Variants in PUF60 observed in about 807,000 individuals in gnomAD.
PUF60 encodes poly(U)-binding-splicing factor PUF60.
Under a neutral mutation model 61.8 loss-of-function variants are expected in PUF60, and 10 were observed. That is an observed-to-expected ratio of 0.16 (90% CI 0.10 to 0.27). The LOEUF (loss-of-function observed/expected upper bound fraction) is 0.27. PUF60 is among the 10% of genes least tolerant of loss of function. The probability of loss-of-function intolerance (pLI) is 1.00; values close to 1 mark genes in which losing one functional copy is unlikely to be tolerated. For missense variants in PUF60, 371 were observed against 754.0 expected (o/e 0.49, Z 5.95); for synonymous variants, 353 against 300.9 (o/e 1.17, Z -1.79).
chr8:143,818,561 C>T lies in PUF60; in HGVS notation c.349-27G>A, dbSNP rs573398282. ...TGCAGCAGGACAGAGGGGAGAGAACCGCTGGCTCGTCAGGGGCGGCAGGAA... is the reference window on the plus strand; with the variant it reads ...TGCAGCAGGACAGAGGGGAGAGAACTGCTGGCTCGTCAGGGGCGGCAGGAA... On this transcript the variant is annotated intron_variant, in intron 5 of 11. Transcript: ENST00000526683. This position sits in a 1 kb window ranked among gnomAD's most constrained non-coding sequence, Gnocchi z 7.9. The T allele has an allele frequency of 2.6e-6, 4 of 1,549,498 alleles. No homozygotes were observed. Among genetic ancestry groups the T allele is most frequent in the African/African-American group, 2.7e-5 (2 of 73,530 alleles).
intron 1 of PUF60, chr8:143,827,630 A>G (rs529775352): frequency 7.4e-5 from 26 of 353,494 alleles, no homozygotes; most frequent in South Asian, 5.0e-4. Context: ...TTCCATCCCA[A>G]TGATTAAAAG....
chr8:143,824,369 C>T lies in PUF60; in HGVS notation c.55G>A (p.Glu19Lys), dbSNP rs1817402069. 4.3e-6 allele frequency: 7 copies of T among 1,612,394 alleles called. No individual in the cohort carries two copies. The highest frequency in any genetic ancestry group is 3.3e-5 in the South Asian group (3 of 91,082). The change falls in exon 2 of 12, where the codon GAG becomes AAG. Residue 19 changes from glutamate (E) to lysine (K), a missense_variant. This residue lies in a region of PUF60 where 69 missense variants were observed against 64.7 expected (regional missense o/e 1.07). Coordinates refer to ENST00000526683, the MANE Select transcript of PUF60 (RefSeq NM_078480.3). ...QVNGQQGGGS[E>K]PAAAAAVVAA... is the part of the protein sequence containing the mutation. ...ACCACTGCCGCCGCCGCCGCCGGCT[C>T]GGACCCCCCTCCTTGCTGGCCATTG...
intron 1 of PUF60, chr8:143,827,558 G>A (rs1817772966): frequency 7.1e-6 from 3 of 423,526 alleles, no homozygotes; most frequent in Non-Finnish European, 1.4e-5. Context: ...TGAGACAGGG[G>A]ACAGGCTCTC....
Position 143,818,611 on chromosome 8 carries a change from GC to G in PUF60, c.349-78del. The G allele has an allele frequency of 6.9e-7, 1 of 1,441,776 alleles. No individual in the cohort carries two copies. Among genetic ancestry groups the G allele is most frequent in the Non-Finnish European group, 9.3e-7 (1 of 1,079,872 alleles). The allele number at this position is 1,441,776 out of a possible 1,614,324, so 89.3% of individuals were successfully genotyped here. ...AGCTGGGCAGCCCACTCCCCTCCTG[GC>G]CCACCCACCCAGCCCTGCTGTGGGG... On this transcript the variant is annotated intron_variant, in intron 5 of 11. Coordinates refer to ENST00000526683, the MANE Select transcript of PUF60 (RefSeq NM_078480.3). The surrounding 1 kb of genome is among the most constrained non-coding windows in gnomAD (Gnocchi z 7.9).
chr8:143,827,336 G>A, intron 1 of PUF60: 1 of 455,950 alleles, frequency 2.2e-6, no homozygotes, highest in Non-Finnish European at 4.4e-6. Context: ...TGTCAGTGAA[G>A]AGAACGGAGC....
Position 143,825,890 on chromosome 8 carries a change from A to C in PUF60, c.25-1491T>G, listed in dbSNP as rs149049619. 9.8e-5 allele frequency among the ~76,000 whole-genome samples: 15 copies of C among 152,308 alleles called. No individual in the cohort carries two copies. The East Asian group carries it at 2.9e-3, about 29-fold the overall frequency. The stretch of plus-strand genomic sequence containing the variant: ...GCTCCCCCAAATCACTGCACTAACC[A>C]ACAAGTAAGCCACAACAGTGTTGAC... On this transcript the variant is annotated intron_variant, in intron 1 of 11. Coordinates refer to ENST00000526683, the MANE Select transcript of PUF60 (RefSeq NM_078480.3).
At chr8:143,821,454 G>C in intron 4 of PUF60, 143 bp downstream of exon 4, 1 of 783,136 alleles carries the variant, frequency 1.3e-6, no homozygotes, top group South Asian at 1.7e-5. Flanking sequence ...AGGACCCCGG[G>C]GGTCCCGAGC....
chr8:143,817,903 C>T lies in PUF60; in HGVS notation c.776G>A (p.Arg259Gln). 2 of 1,612,754 alleles carry T rather than the reference C, an allele frequency of 1.2e-6. No individual in the cohort carries two copies. Among genetic ancestry groups the T allele is most frequent in the Admixed American group, 1.7e-5 (1 of 59,988 alleles). ...CTTGTGCTTGCCAGTTGTGGGGTCC[C>T]GGGCCAGTGTGCAGGACTTGATCTT... Reference protein sequence around the residue: ...FGKIKSCTLARDPTTGKHKGY... With the variant: ...FGKIKSCTLAQDPTTGKHKGY... The change falls in exon 8 of 12, where the codon CGG (arginine) becomes CAG (glutamine). Residue 259 changes from arginine to glutamine, a missense_variant. Physicochemically the swap from Arg to Gln is conservative, Grantham distance 43. This residue lies in a region of PUF60 where 24 missense variants were observed against 35.0 expected (regional missense o/e 0.68). Transcript: ENST00000526683. The surrounding 1 kb of genome is among the most constrained non-coding windows in gnomAD (Gnocchi z 7.4).
At chr8:143,828,494 G>T (rs1817900836) in intron 1 of PUF60, among the ~76,000 whole-genome samples, 1 of 152,194 alleles carries the variant, frequency 6.6e-6, no homozygotes, top group South Asian at 2.1e-4. Flanking sequence ...CGTTAATAAC[G>T]CCTGCCCTGC....
intron 2 of PUF60, chr8:143,822,743 G>A (rs1404705915): frequency 1.7e-5 from 6 of 360,860 alleles, no homozygotes; most frequent in Non-Finnish European, 3.3e-5. Flanking sequence ...TTTTGCAGAG[G>A]GAAGAACGCA....
chr8:143,817,578 G>T lies in PUF60; in HGVS notation c.1008+14C>A. On this transcript the variant is annotated intron_variant, in intron 9 of 11. Transcript: ENST00000526683. The surrounding 1 kb of genome is among the most constrained non-coding windows in gnomAD (Gnocchi z 7.4). ...CCCGCCCACCCTCAAGCCGACAGCT[G>T]TGTGGGCCCTCACCTGAGCTGTGAT... is the stretch of plus-strand genomic sequence containing the variant. 6.2e-7 allele frequency: 1 copy of T among 1,610,912 alleles called. No individual in the cohort carries two copies. Among genetic ancestry groups the T allele is most frequent in the African/African-American group, 1.3e-5 (1 of 75,006 alleles).
chr8:143,821,214 A>G (rs1586587379), intron 4 of PUF60: 1 of 427,464 alleles, frequency 2.3e-6, no homozygotes, highest in East Asian at 4.7e-5. Context: ...TGAGGGCCTG[A>G]GCAGTCTTAT....
intron 5 of PUF60, chr8:143,820,454 G>C (rs778620537): frequency 3.3e-6 from 2 of 612,214 alleles, no homozygotes; most frequent in Non-Finnish European, 5.8e-6. Context: ...TTTAAGGTGG[G>C]CCCTCAGAGC....
At position 143,818,614 on chromosome 8, in the gene PUF60, C is replaced by T; in HGVS notation, c.349-80G>A. On this transcript the variant is annotated intron_variant, in intron 5 of 11. Coordinates refer to ENST00000526683, the MANE Select transcript of PUF60 (RefSeq NM_078480.3). The surrounding 1 kb of genome is among the most constrained non-coding windows in gnomAD (Gnocchi z 7.9). ...TGGGCAGCCCACTCCCCTCCTGGCC[C>T]ACCCACCCAGCCCTGCTGTGGGGAG... The T allele has an allele frequency of 7.0e-7, 1 of 1,434,764 alleles. No individual in the cohort carries two copies. Among genetic ancestry groups the T allele is most frequent in the East Asian group, 2.5e-5 (1 of 40,064 alleles). The allele number at this position is 1,434,764 out of a possible 1,614,324, so 88.9% of individuals were successfully genotyped here.
At chr8:143,826,805 G>C (rs1279184874) in intron 1 of PUF60, among the ~76,000 whole-genome samples, 1 of 152,240 alleles carries the variant, frequency 6.6e-6, no homozygotes, top group Non-Finnish European at 1.5e-5. Flanking sequence ...GCTGGGAATG[G>C]GGACGGCCTG....
intron 2 of PUF60, 39 bp downstream of exon 2, chr8:143,824,274 G>A: frequency 6.5e-7 from 1 of 1,537,948 alleles, no homozygotes; most frequent in Non-Finnish European, 8.8e-7. Flanking sequence ...GGGCGGGCAG[G>A]CGGGCGGGCC....
In PUF60 at chr8:143,817,353, G is replaced by C; in HGVS notation, c.1122C>G (p.Ala374=). The change falls in exon 10 of 12, where the codon GCC becomes GCG. Residue 374 remains alanine (A), a synonymous_variant. Transcript: ENST00000526683. This position sits in a 1 kb window ranked among gnomAD's most constrained non-coding sequence, Gnocchi z 7.4. ...CACCTGTGATGACTCCAGGTGCCTG[G>C]GCAGCCATGACAGCCTGGGGCAAAG... ...LGTLPQAVMA[A]QAPGVITGVT... 6.3e-7 allele frequency: 1 copy of C among 1,594,534 alleles called. No individual in the cohort carries two copies. Among genetic ancestry groups the C allele is most frequent in the Non-Finnish European group, 8.5e-7 (1 of 1,174,438 alleles).
rs781713017 is a variant in PUF60 at position 143,816,564 on chromosome 8, C to T, written c.1636G>A (p.Val546Met). Residue 546 changes from valine (V) to methionine (M), a missense_variant, in exon 12 of 12, where the codon GTG becomes ATG. This residue lies in a region of PUF60 where 17 missense variants were observed against 37.3 expected (regional missense o/e 0.46). Transcript: ENST00000526683. ...WFAGRKVVAEVYDQERFDNSD... is the reference protein window; with the variant it reads ...WFAGRKVVAEMYDQERFDNSD... ...TTATCAAAACGCTCCTGGTCGTACA[C>T]TTCAGCCACCACCTTGCGGCCAGCA... 1.5e-5 allele frequency: 24 copies of T among 1,613,490 alleles called. No homozygotes were observed. In the South Asian group the frequency reaches 2.5e-4, roughly 17 times the overall value.
rs1816603238 is a variant in PUF60 at position 143,818,297 on chromosome 8, GAC to G, written c.511-14_511-13del. On this transcript the variant is annotated splice_polypyrimidine_tract_variant and intron_variant, in intron 6 of 11. Coordinates refer to ENST00000526683, the MANE Select transcript of PUF60 (RefSeq NM_078480.3). The surrounding 1 kb of genome is among the most constrained non-coding windows in gnomAD (Gnocchi z 7.9). ...ACGAAGGCAAAGCCCTAGACACAGGGACACACCTGTCAGGCTGCGCGAGCCCA... is the reference window on the plus strand; with the variant it reads ...ACGAAGGCAAAGCCCTAGACACAGGGACACCTGTCAGGCTGCGCGAGCCCA... 6.2e-7 allele frequency: 1 copy of G among 1,607,264 alleles called. No homozygotes were observed. Among genetic ancestry groups the G allele is most frequent in the South Asian group, 1.1e-5 (1 of 90,616 alleles).
Sources: gnomAD v4.1 joint callset for allele counts (sites outside exome capture counted in the v4.1 genomes callset) on GRCh38, gnomAD v4.1.1 for gene constraint, gnomAD v4.1.1 regional missense constraint, Gnocchi (gnomAD v3.1) non-coding constraint, MANE v1.5 for transcripts, NCBI Gene and HGNC (gene_info 2026-07-23, HGNC 2026-07-21) for gene names.